PCDHA12: variants seen among roughly 807,000 people sequenced by gnomAD.
PCDHA12 encodes the protein protocadherin alpha 12.
PCDHA12 carries 44 observed loss-of-function variants against 60.0 expected under a neutral mutation model. The ratio of observed to expected loss-of-function variants is 0.73; its 90% CI spans 0.58 to 0.94. PCDHA12 has a LOEUF of 0.94. Among genes scored for constraint, PCDHA12 ranks in the 40% least tolerant of loss-of-function variants. The pLI is 0.00. For synonymous variants in PCDHA12, 569 were observed against 553.0 expected (o/e 1.03, Z -0.40); for missense variants, 1,276 against 1,239.7 (o/e 1.03, Z -0.44).
intron 1 of PCDHA12, among the ~76,000 whole-genome samples, chr5:140,963,754 T>C (rs190216638): frequency 2.3e-4 from 35 of 152,374 alleles, no homozygotes; most frequent in Admixed American, 7.2e-4. Flanking sequence ...TGATAATAAA[T>C]TGTTGTATTT....
chr5:140,918,579 G>A (rs1396239560), intron 1 of PCDHA12, among the ~76,000 whole-genome samples: 1 of 152,112 alleles, frequency 6.6e-6, no homozygotes, highest in Admixed American at 6.5e-5. Flanking sequence ...GCTGCTATTG[G>A]CTATATGTTC....
chr5:141,000,462 T>C (rs1554257607), intron 3 of PCDHA12, among the ~76,000 whole-genome samples: 1 of 139,384 alleles, frequency 7.2e-6, no homozygotes, highest in Non-Finnish European at 1.5e-5. Flanking sequence ...AGTTTTGCTC[T>C]TGTTGCCCAA....
chr5:140,940,552 G>A (rs1198606745), intron 1 of PCDHA12, among the ~76,000 whole-genome samples: 4 of 152,018 alleles, frequency 2.6e-5, no homozygotes, highest in African/African-American at 9.7e-5. Flanking sequence ...GGGCTCAAGT[G>A]ATTCTCCTAC....
At chr5:141,005,032 T>A (rs1031521338) in intron 3 of PCDHA12, among the ~76,000 whole-genome samples, 2 of 152,228 alleles carry the variant, frequency 1.3e-5, no homozygotes, top group Non-Finnish European at 2.9e-5. Context: ...TAATTGCCCA[T>A]ATGTGATACC....
At chr5:140,914,962 T>C (rs1301307235) in intron 1 of PCDHA12, among the ~76,000 whole-genome samples, 2 of 136,964 alleles carry the variant, frequency 1.5e-5, no homozygotes, top group Non-Finnish European at 3.2e-5. Flanking sequence ...TTTTTTTTTT[T>C]CTGAGTCAGA....
At chr5:140,927,174 C>G (rs782406584) in intron 1 of PCDHA12, 2 of 1,614,186 alleles carry the variant, frequency 1.2e-6, no homozygotes, top group Non-Finnish European at 8.5e-7. Context: ...CTGCCTGCGT[C>G]TTGACCTACG....
intron 1 of PCDHA12, chr5:140,926,673 A>T (rs998903830): frequency 2.1e-5 from 12 of 580,470 alleles, no homozygotes; most frequent in Non-Finnish European, 3.2e-5. Flanking sequence ...ACGGCTGCCC[A>T]GCCTCCAGCC....
Position 140,876,808 on chromosome 5 carries a change from G to T in PCDHA12, c.1336G>T (p.Ala446Ser). 1 of 1,614,222 alleles carries T rather than the reference G, an allele frequency of 6.2e-7. No individual in the cohort carries two copies. The highest frequency in any genetic ancestry group is 8.5e-7 in the Non-Finnish European group (1 of 1,180,048). ...CACGGCTAGAGTGTCCGTGGAGGTG[G>T]CCGACGTGAACGACAATGCGCCTGC... is the stretch of plus-strand genomic sequence containing the variant. Reference protein sequence around the residue: ...WATARVSVEVADVNDNAPAFA... With the variant: ...WATARVSVEVSDVNDNAPAFA... The change falls in exon 1 of 4, where the codon GCC (alanine) becomes TCC (serine). Residue 446 changes from alanine to serine, a missense_variant. Ala to Ser is a moderately conservative substitution (Grantham distance 99). Coordinates refer to ENST00000398631, the MANE Select transcript of PCDHA12 (RefSeq NM_018903.4).
In PCDHA12 at chr5:140,952,512, CATCT is replaced by C. The variant is rs2094757607; in HGVS notation, c.2368-26436_2368-26433del. ...CAGTCCTCAGTAAGTTCCTCATCTC[CATCT>C]GAGACCTCCTCAGACTGGACTTCTT... On this transcript the variant is annotated intron_variant, in intron 1 of 3. Coordinates refer to ENST00000398631, the MANE Select transcript of PCDHA12 (RefSeq NM_018903.4). 2.0e-5 allele frequency among the ~76,000 whole-genome samples: 3 copies of C among 152,242 alleles called. No individual in the cohort carries two copies. The South Asian group carries it at 6.2e-4, about 32-fold the overall frequency.
chr5:140,970,373 C>T (rs1554232421), intron 1 of PCDHA12, among the ~76,000 whole-genome samples: 2 of 152,250 alleles, frequency 1.3e-5, no homozygotes, highest in East Asian at 1.9e-4. Context: ...GCTATAGCTT[C>T]AAAAGGCTGG....
intron 1 of PCDHA12, among the ~76,000 whole-genome samples, chr5:140,903,228 C>T (rs1417505177): frequency 1.3e-5 from 2 of 152,112 alleles, no homozygotes; most frequent in Non-Finnish European, 2.9e-5. Flanking sequence ...ACATCTATTA[C>T]TTTTTGATTT....
Position 141,010,331 on chromosome 5 carries a change from T to C in PCDHA12, c.*394T>C. 6.5e-7 allele frequency: 1 copy of C among 1,537,904 alleles called. No homozygotes were observed. Among genetic ancestry groups the C allele is most frequent in the Non-Finnish European group, 8.8e-7 (1 of 1,142,160 alleles). On this transcript the variant is annotated 3_prime_UTR_variant, in exon 4 of 4. Transcript: ENST00000398631. The stretch of plus-strand genomic sequence containing the variant: ...TTTTGAGATTGAGCAGCTTGGGAGT[T>C]TGTGGCCACTGGGTATGTGTGGCTA...
chr5:140,882,352 T>A, intron 1 of PCDHA12: 1 of 1,614,166 alleles, frequency 6.2e-7, no homozygotes, highest in Non-Finnish European at 8.5e-7. Context: ...AGACGGGTAG[T>A]GGCCAGCTCC....
intron 1 of PCDHA12, among the ~76,000 whole-genome samples, chr5:140,948,865 C>A (rs1358865868): frequency 1.3e-5 from 2 of 151,324 alleles, no homozygotes; most frequent in Non-Finnish European, 3.0e-5. Context: ...TATATTACTT[C>A]GGGTTTACTT....
chr5:140,923,461 A>G (rs530510417), intron 1 of PCDHA12, among the ~76,000 whole-genome samples: 97 of 152,204 alleles, frequency 6.4e-4, no homozygotes, highest in African/African-American at 2.2e-3. Context: ...CCAGAGAGGT[A>G]GGGGCTGCAG....
At chr5:140,882,755 G>A in intron 1 of PCDHA12, 2 of 1,614,230 alleles carry the variant, frequency 1.2e-6, no homozygotes, top group Non-Finnish European at 1.7e-6. Context: ...TGCAGATATT[G>A]GAGTAAACTC....
chr5:140,947,772 G>A (rs77655739), intron 1 of PCDHA12, among the ~76,000 whole-genome samples: 3,551 of 151,528 alleles, frequency 0.023, 49 homozygotes, highest in Middle Eastern at 0.034. Flanking sequence ...AAATTCTATT[G>A]TAAATGGATT....
At chr5:140,916,665 G>A (rs1166692195) in intron 1 of PCDHA12, among the ~76,000 whole-genome samples, 2 of 152,184 alleles carry the variant, frequency 1.3e-5, no homozygotes, top group Non-Finnish European at 2.9e-5. Flanking sequence ...CAAGATGCAA[G>A]ACAAAGTCCT....
At chr5:140,898,972 C>G (rs1180112967) in intron 1 of PCDHA12, among the ~76,000 whole-genome samples, 2 of 151,980 alleles carry the variant, frequency 1.3e-5, no homozygotes, top group African/African-American at 4.8e-5. Flanking sequence ...GGAGTTCACT[C>G]ATGATTTGGC....
Sources: gnomAD v4.1 joint callset for allele counts (sites outside exome capture counted in the v4.1 genomes callset) on GRCh38, gnomAD v4.1.1 for gene constraint, MANE v1.5 for transcripts, NCBI Gene and HGNC (gene_info 2026-07-23, HGNC 2026-07-21) for gene names.